The following DLC1 variants were observed in gnomAD, a reference collection of about 807,000 sequenced individuals.
DLC1 encodes the protein DLC1 Rho GTPase activating protein.
A neutral mutation model predicts 140.3 loss-of-function variants in DLC1; 54 were observed. The observed-to-expected ratio is 0.38, with a 90% confidence interval of 0.31 to 0.48. DLC1 has a LOEUF of 0.48. DLC1 is among the 20% of genes least tolerant of loss of function. The probability of loss-of-function intolerance (pLI) is 0.96; values close to 1 mark genes in which losing one functional copy is unlikely to be tolerated. For synonymous variants in DLC1, 986 were observed against 728.1 expected (o/e 1.35, Z -5.70); for missense variants, 2,536 against 1,907.0 (o/e 1.33, Z -6.14).
intron 2 of DLC1, among the ~76,000 whole-genome samples, chr8:13,424,388 C>T (rs1838457419): frequency 6.6e-6 from 1 of 151,894 alleles, no homozygotes; most frequent in African/African-American, 2.4e-5. Context: ...ACTCTGGAGG[C>T]TGAGACAGGA....
intron 1 of DLC1, among the ~76,000 whole-genome samples, chr8:13,574,977 C>G (rs1310197036): frequency 6.6e-6 from 1 of 152,132 alleles, no homozygotes; most frequent in African/African-American, 2.4e-5. Context: ...TGAGCTCTCC[C>G]TCAATTTTGC....
intron 5 of DLC1, among the ~76,000 whole-genome samples, chr8:13,135,890 T>A (rs1585736988): frequency 1.3e-5 from 2 of 152,348 alleles, no homozygotes; most frequent in Middle Eastern, 6.8e-3. Context: ...CTGGAGATTA[T>A]GTTATGTAGT....
chr8:13,338,756 G>A (rs376611542), intron 4 of DLC1: 3 of 152,274 alleles, frequency 2.0e-5, no homozygotes, highest in African/African-American at 7.2e-5. Flanking sequence ...CACAGGAGGT[G>A]AGCTACCTGC....
chr8:13,190,632 C>T (rs1410154456), intron 5 of DLC1, among the ~76,000 whole-genome samples: 1 of 152,090 alleles, frequency 6.6e-6, no homozygotes, highest in Non-Finnish European at 1.5e-5. Flanking sequence ...CAAAAACTAA[C>T]TTAAGATGCA....
At chr8:13,253,459 G>T (rs1457209032) in intron 5 of DLC1, among the ~76,000 whole-genome samples, 1 of 147,010 alleles carries the variant, frequency 6.8e-6, no homozygotes, top group Non-Finnish European at 1.5e-5. Flanking sequence ...GTGATTGTAT[G>T]TGTGGTGTTT....
chr8:13,278,241 C>G (rs1437189478), intron 5 of DLC1, among the ~76,000 whole-genome samples: 1 of 152,224 alleles, frequency 6.6e-6, no homozygotes, highest in African/African-American at 2.4e-5. Context: ...TGAAAATCCT[C>G]TATTAAAGAT....
intron 1 of DLC1, among the ~76,000 whole-genome samples, chr8:13,592,077 A>G (rs1805533449): frequency 6.6e-6 from 1 of 152,102 alleles, no homozygotes; most frequent in Non-Finnish European, 1.5e-5. Flanking sequence ...GGATAGAGAA[A>G]GAGTTCAAAC....
In DLC1 at chr8:13,100,681, C is replaced by T; in HGVS notation, c.1656G>A (p.Glu552=). The change falls in exon 9 of 18, where the codon GAG becomes GAA. Residue 552 remains glutamate (E), a synonymous_variant. Transcript: ENST00000276297. The part of the protein sequence containing the change: ...RDSKRWSRLE[E]FDVFSPKQDL... ...CTTGTTTTGGAGAAAAGACATCAAA[C>T]TCTTCAAGCCGGGACCACCTCTTGC... 1.2e-6 allele frequency: 2 copies of T among 1,613,880 alleles called. No homozygotes were observed. Among genetic ancestry groups the T allele is most frequent in the Non-Finnish European group, 8.5e-7 (1 of 1,179,892 alleles).
intron 5 of DLC1, among the ~76,000 whole-genome samples, chr8:13,251,511 C>G (rs1407419527): frequency 2.6e-5 from 4 of 152,100 alleles, no homozygotes; most frequent in Non-Finnish European, 5.9e-5. Flanking sequence ...AGTTTTTATT[C>G]TGGCAACAAC....
At chr8:13,137,527 C>A (rs1011113759) in intron 5 of DLC1, among the ~76,000 whole-genome samples, 1 of 151,360 alleles carries the variant, frequency 6.6e-6, no homozygotes, top group Non-Finnish European at 1.5e-5. Flanking sequence ...CATGATTTGG[C>A]AACAAGACCT....
chr8:13,320,194 A>G (rs1051131443), intron 4 of DLC1, among the ~76,000 whole-genome samples: 11 of 152,300 alleles, frequency 7.2e-5, no homozygotes, highest in Admixed American at 6.5e-4. Flanking sequence ...ACTATGTCAA[A>G]TGAATTCTAA....
intron 1 of DLC1, among the ~76,000 whole-genome samples, chr8:13,546,602 G>C (rs1037769089): frequency 6.6e-6 from 1 of 152,104 alleles, no homozygotes; most frequent in Non-Finnish European, 1.5e-5. Context: ...TCGCATTGAA[G>C]TTTTATGTAA....
At chr8:13,163,992 A>G (rs1310395887) in intron 5 of DLC1, among the ~76,000 whole-genome samples, 2 of 150,280 alleles carry the variant, frequency 1.3e-5, no homozygotes, top group African/African-American at 5.0e-5. Context: ...GACAGAGGAG[A>G]CACTGCCTTA....
At chr8:13,173,740 A>C (rs1375095113) in intron 5 of DLC1, among the ~76,000 whole-genome samples, 1 of 152,212 alleles carries the variant, frequency 6.6e-6, no homozygotes, top group Non-Finnish European at 1.5e-5. Flanking sequence ...AGAACTACAT[A>C]TAAAACTACA....
chr8:13,451,130 A>T (rs955149244), intron 2 of DLC1, among the ~76,000 whole-genome samples: 1 of 151,600 alleles, frequency 6.6e-6, no homozygotes, highest in Admixed American at 6.6e-5. Context: ...AAATAAAGTA[A>T]GAGTAAATAT....
Position 13,099,441 on chromosome 8 carries a change from T to C in DLC1, c.2896A>G (p.Ser966Gly). 6.2e-7 allele frequency: 1 copy of C among 1,614,172 alleles called. No individual in the cohort carries two copies. Among genetic ancestry groups the C allele is most frequent in the Non-Finnish European group, 8.5e-7 (1 of 1,180,028 alleles). ...NDRTTPSDLDSTGNSLNEPEE... is the reference protein window; with the variant it reads ...NDRTTPSDLDGTGNSLNEPEE... ...GGTTCATTCAGGGAGTTGCCTGTGC[T>C]GTCCAGGTCGCTGGGTGTGGTTCGG... Residue 966 changes from serine (S) to glycine (G), a missense_variant, in exon 9 of 18, where the codon AGC becomes GGC. Physicochemically the swap from Ser to Gly is moderately conservative, Grantham distance 56. Coordinates refer to ENST00000276297, the MANE Select transcript of DLC1 (RefSeq NM_182643.3).
At chr8:13,521,266 G>GGA (rs1802756868) in intron 1 of DLC1, among the ~76,000 whole-genome samples, 1 of 152,124 alleles carries the variant, frequency 6.6e-6, no homozygotes, top group East Asian at 1.9e-4. Flanking sequence ...GCTTGGGGAG[G>GGA]GAGAGCATCA....
At chr8:13,204,571 A>G (rs570827739) in intron 5 of DLC1, among the ~76,000 whole-genome samples, 1 of 152,212 alleles carries the variant, frequency 6.6e-6, no homozygotes, top group Non-Finnish European at 1.5e-5. Context: ...ACACACACAC[A>G]GTCATAGGTT....
At chr8:13,255,538 A>G (rs1830185930) in intron 5 of DLC1, among the ~76,000 whole-genome samples, 1 of 152,222 alleles carries the variant, frequency 6.6e-6, no homozygotes. Context: ...AATGAAAGAA[A>G]AAAATAGTAA....
Sources: allele counts gnomAD v4.1 joint callset (sites outside exome capture counted in the v4.1 genomes callset), GRCh38; gene constraint gnomAD v4.1.1; transcripts MANE v1.5; gene names NCBI Gene and HGNC (gene_info 2026-07-23, HGNC 2026-07-21).